SLC36A1: variants seen among roughly 807,000 people sequenced by gnomAD.
SLC36A1 encodes the protein solute carrier family 36 member 1.
A neutral mutation model predicts 47.5 loss-of-function variants in SLC36A1; 30 were observed. The observed-to-expected ratio is 0.63, with a 90% CI of 0.47 to 0.86. The LOEUF (loss-of-function observed/expected upper bound fraction) is 0.86. Ranked by LOEUF, SLC36A1 falls within the 40% of genes least tolerant of loss-of-function variation. The pLI is 0.00. For synonymous variants in SLC36A1, 255 were observed against 249.7 expected (o/e 1.02, Z -0.20); for missense variants, 517 against 606.0 (o/e 0.85, Z 1.54).
the SLC36A1 span, among the ~76,000 whole-genome samples, chr5:151,377,697 C>T: frequency 3.0e-3 from 454 of 152,260 alleles, 4 homozygotes; most frequent in African/African-American, 0.01. Flanking sequence ...AATTTGGGTG[C>T]TCCAGTGTTG....
chr5:151,480,931 G>A (rs1452992735), intron 10 of SLC36A1, among the ~76,000 whole-genome samples: 1 of 152,218 alleles, frequency 6.6e-6, no homozygotes, highest in Non-Finnish European at 1.5e-5. Context: ...GGTAAAATGT[G>A]CCTTCCTGAC....
intron 1 of SLC36A1, among the ~76,000 whole-genome samples, chr5:151,449,200 C>T (rs984757964): frequency 3.3e-5 from 5 of 152,204 alleles, no homozygotes; most frequent in African/African-American, 1.2e-4. Context: ...CCTCTTTCTT[C>T]CTATCTCTGT....
At chr5:151,550,909 C>T in the SLC36A1 span, 3 of 1,596,892 alleles carry the variant, frequency 1.9e-6, no homozygotes, top group Admixed American at 3.4e-5. Flanking sequence ...CACTGCAAGC[C>T]CCAGGGGAAC....
At position 151,474,174 on chromosome 5, in the gene SLC36A1, AAAAAAG is replaced by A. The variant is rs1262561120; in HGVS notation, c.822+407_822+412del. ...GACTCTGTCTCAAAAAAAAAAAAAA[AAAAAAG>A]AAATTATCTTCTGTAACTCACTGGT... On this transcript the variant is annotated intron_variant, in intron 8 of 10. Coordinates refer to ENST00000243389, the MANE Select transcript of SLC36A1 (RefSeq NM_078483.4). 2.6e-3 allele frequency among the ~76,000 whole-genome samples: 336 copies of A among 127,522 alleles called. 6 individuals carry two copies. The highest frequency in any genetic ancestry group is 0.014 in the African/African-American group (322 of 22,380). The allele number at this position is 127,522 out of a possible 152,430, so 83.7% of individuals were successfully genotyped here. A position where few individuals can be genotyped will look rare whatever the true frequency, so the allele number is the denominator to read the frequency against.
chr5:151,408,728 A>C, the SLC36A1 span, among the ~76,000 whole-genome samples: 2 of 152,240 alleles, frequency 1.3e-5, no homozygotes, highest in Non-Finnish European at 1.5e-5. Context: ...ATAAGAATGC[A>C]GAATTCTGGA....
the SLC36A1 span, among the ~76,000 whole-genome samples, chr5:151,405,343 C>CTTTTTTTTTTTT: frequency 5.9e-5 from 5 of 85,268 alleles, no homozygotes; most frequent in East Asian, 3.3e-4. Context: ...CTCTCTTTCT[C>CTTTTTTTTTTTT]TTTTTTTTTT....
At chr5:151,380,358 C>T in the SLC36A1 span, 16 of 298,188 alleles carry the variant, frequency 5.4e-5, no homozygotes, top group East Asian at 3.7e-4. Context: ...AGACCGGCCA[C>T]AGTTGTGGGG....
intron 1 of SLC36A1, among the ~76,000 whole-genome samples, chr5:151,458,088 TC>T (rs1348250676): frequency 1.3e-5 from 2 of 151,646 alleles, no homozygotes; most frequent in African/African-American, 4.8e-5. Context: ...CCTCAGGTGA[TC>T]CGCCCGCCTT....
the SLC36A1 span, among the ~76,000 whole-genome samples, chr5:151,409,441 T>C: frequency 6.6e-6 from 1 of 152,248 alleles, no homozygotes; most frequent in African/African-American, 2.4e-5. Context: ...GTGGCAACTA[T>C]TTGATCTCAT....
At chr5:151,389,644 T>C in the SLC36A1 span, among the ~76,000 whole-genome samples, 1 of 148,362 alleles carries the variant, frequency 6.7e-6, no homozygotes, top group East Asian at 2.0e-4. Context: ...CACCATTGAG[T>C]GAGAACATGC....
the SLC36A1 span, among the ~76,000 whole-genome samples, chr5:151,520,983 G>A: frequency 1.3e-5 from 2 of 152,354 alleles, no homozygotes; most frequent in South Asian, 4.1e-4. Context: ...GTAGAGCTGG[G>A]ATTTTAACCC....
the SLC36A1 span, among the ~76,000 whole-genome samples, chr5:151,402,010 G>A: frequency 1.3e-5 from 2 of 152,072 alleles, no homozygotes; most frequent in African/African-American, 4.8e-5. Flanking sequence ...CTCTGGCTAG[G>A]ACTTCAATAC....
At chr5:151,487,717 G>A (rs114337032) in intron 10 of SLC36A1, among the ~76,000 whole-genome samples, 1,916 of 152,282 alleles carry the variant, frequency 0.013, 18 homozygotes, top group South Asian at 0.022. Flanking sequence ...TGGAAGTCAT[G>A]TGCTGTAGCC....
At chr5:151,531,660 C>G in the SLC36A1 span, 4 of 1,613,758 alleles carry the variant, frequency 2.5e-6, no homozygotes, top group Non-Finnish European at 3.4e-6. This position sits in a 1 kb window ranked among gnomAD's most constrained non-coding sequence, Gnocchi z 5.7. Context: ...TCTCTGCGCC[C>G]GGGCGAGTGA....
At chr5:151,476,154 G>T (rs758749613) in intron 8 of SLC36A1, among the ~76,000 whole-genome samples, 1 of 152,262 alleles carries the variant, frequency 6.6e-6, no homozygotes, top group African/African-American at 2.4e-5. Context: ...AGCTAGAGTG[G>T]CAGTTTTCCC....
At chr5:151,496,392 G>T (rs1295448644), downstream of SLC36A1, among the ~76,000 whole-genome samples, 2 of 152,146 alleles carry the variant, frequency 1.3e-5, no homozygotes, top group Non-Finnish European at 2.9e-5. Context: ...TATCAGCAGC[G>T]CGAAAACAGA....
the SLC36A1 span, chr5:151,540,740 C>T: frequency 1.9e-5 from 31 of 1,614,002 alleles, no homozygotes; most frequent in Non-Finnish European, 2.6e-5. Context: ...TGGCTGATGC[C>T]AAACTGGCCC....
intron 1 of SLC36A1, among the ~76,000 whole-genome samples, chr5:151,439,825 T>C (rs1752517728): frequency 6.6e-6 from 1 of 152,226 alleles, no homozygotes; most frequent in African/African-American, 2.4e-5. Context: ...AGTGCTAATT[T>C]ACTTTATAGG....
At chr5:151,540,794 C>T in the SLC36A1 span, 2 of 1,586,700 alleles carry the variant, frequency 1.3e-6, no homozygotes, top group South Asian at 2.2e-5. Context: ...TTTCAGAAGC[C>T]AAGCAATAGG....
Sources: allele counts gnomAD v4.1 joint callset (sites outside exome capture counted in the v4.1 genomes callset), GRCh38; gene constraint gnomAD v4.1.1; non-coding constraint Gnocchi (gnomAD v3.1); transcripts MANE v1.5; gene names NCBI Gene and HGNC (gene_info 2026-07-23, HGNC 2026-07-21).